Variants in TRIM14 observed in about 807,000 individuals in gnomAD.
The protein encoded by TRIM14 is tripartite motif containing 14.
Under a neutral mutation model 44.5 loss-of-function variants are expected in TRIM14, and 28 were observed. The ratio of observed to expected loss-of-function variants is 0.63; its 90% confidence interval spans 0.47 to 0.86. The LOEUF (loss-of-function observed/expected upper bound fraction) is 0.86, where lower values mean the gene tolerates loss of function less well. TRIM14 is among the 40% of genes least tolerant of loss of function. The pLI, the probability that TRIM14 is intolerant of heterozygous loss-of-function variation, is 0.00. For synonymous variants in TRIM14, 299 were observed against 269.2 expected, an observed-to-expected ratio of 1.11 and a Z score of -1.08; for missense variants, 607 against 611.1, an observed-to-expected ratio of 0.99 and a Z score of 0.07.
intron 1 of TRIM14, chr9:98,110,233 A>C (rs932501125): frequency 4.2e-6 from 2 of 479,294 alleles, no homozygotes; most frequent in African/African-American, 2.0e-5. Context: ...ACTTTACTTT[A>C]TCTAGGACAA....
At chr9:98,109,246 G>A (rs746110081) in intron 2 of TRIM14, among the ~76,000 whole-genome samples, 1 of 138,998 alleles carries the variant, frequency 7.2e-6, no homozygotes, top group Non-Finnish European at 1.5e-5. Context: ...AGGATGAAGG[G>A]GAGGAGGGAG....
chr9:98,087,947 G>C lies in TRIM14; in HGVS notation c.852C>G (p.Ala284=), dbSNP rs777800386. ...GGCCGCAGCGCACCGTCAGGCGATC[G>C]GCGGACAGGCGCAGGCGCGCGTGCA... ...DTMHARLRLS[A]DRLTVRCGLL... is the part of the protein sequence containing the mutation. The change falls in exon 6 of 6, where the codon GCC becomes GCG. Residue 284 remains alanine (A), a synonymous_variant. Transcript: ENST00000341469. 1.3e-6 allele frequency: 2 copies of C among 1,566,132 alleles called. No individual in the cohort carries two copies. Among genetic ancestry groups the C allele is most frequent in the South Asian group, 1.1e-5 (1 of 87,622 alleles).
downstream of TRIM14, among the ~76,000 whole-genome samples, chr9:98,065,042 C>CT (rs1218816108): frequency 2.6e-5 from 4 of 152,166 alleles, no homozygotes; most frequent in Non-Finnish European, 4.4e-5. Flanking sequence ...AGTTTCAAAT[C>CT]TGAGACCTGG....
chr9:98,100,308 G>C (rs1826343163), intron 2 of TRIM14, 144 bp from the exon 3 acceptor site: 1 of 674,352 alleles, frequency 1.5e-6, no homozygotes. Context: ...AAAAACCAAA[G>C]CTTTCCTAAG....
At chr9:98,104,384 T>C (rs1023851827) in intron 2 of TRIM14, among the ~76,000 whole-genome samples, 9 of 152,186 alleles carry the variant, frequency 5.9e-5, no homozygotes, top group African/African-American at 2.2e-4. Context: ...CTTTGTAAAG[T>C]AGAAAATACA....
chr9:98,088,015 G>GCGAGACAAGGGA lies in TRIM14; in HGVS notation c.794-22_794-11dup, dbSNP rs772842077. On this transcript the variant is annotated splice_polypyrimidine_tract_variant and intron_variant, in intron 5 of 5. Transcript: ENST00000341469. ...GTGGGCGTGCGCGCGTCTGCAGGGGGCGAGACAAGGGACGCACCTGGTGGG... is the reference window on the plus strand; with the variant it reads ...GTGGGCGTGCGCGCGTCTGCAGGGGGCGAGACAAGGGACGAGACAAGGGACGCACCTGGTGGG... 3 of 1,509,850 alleles carry GCGAGACAAGGGA rather than the reference G, an allele frequency of 2.0e-6. No homozygotes were observed. The highest frequency in any genetic ancestry group is 2.6e-6 in the Non-Finnish European group (3 of 1,142,894). 93.5% of individuals were successfully genotyped at this position (1,509,850 alleles called of 1,614,324 possible).
At chr9:98,070,974 G>A (rs1042152809) in intron 6 of TRIM14, among the ~76,000 whole-genome samples, 1 of 151,356 alleles carries the variant, frequency 6.6e-6, no homozygotes, top group Admixed American at 6.6e-5. Context: ...ACCACAACCA[G>A]CTAATTTCTA....
chr9:98,040,520 T>C, the TRIM14 span, among the ~76,000 whole-genome samples: 1 of 151,866 alleles, frequency 6.6e-6, no homozygotes, highest in African/African-American at 2.4e-5. Flanking sequence ...CGGCATGCGC[T>C]CTCCTGCAGC....
chr9:98,065,790 G>A (rs984705461), downstream of TRIM14, among the ~76,000 whole-genome samples: 4 of 151,972 alleles, frequency 2.6e-5, no homozygotes, highest in Non-Finnish European at 4.4e-5. Flanking sequence ...GGTCTTTCCC[G>A]TGCTATTCTC....
downstream of TRIM14, among the ~76,000 whole-genome samples, chr9:98,067,018 G>T (rs1829168545): frequency 6.6e-6 from 1 of 152,118 alleles, no homozygotes; most frequent in Admixed American, 6.5e-5. Context: ...TACAATATGT[G>T]GTCCTTCGAG....
At chr9:98,070,618 A>C (rs1421656006) in intron 6 of TRIM14, among the ~76,000 whole-genome samples, 1 of 147,826 alleles carries the variant, frequency 6.8e-6, no homozygotes, top group Non-Finnish European at 1.5e-5. Context: ...ATGAGGTTTT[A>C]CCATTTGGCC....
chr9:98,063,667 G>T, the TRIM14 span, among the ~76,000 whole-genome samples: 1 of 151,562 alleles, frequency 6.6e-6, no homozygotes, highest in Non-Finnish European at 1.5e-5. Context: ...TCAGCCTGCT[G>T]AGTAGCTGGG....
Position 98,095,704 on chromosome 9 carries a change from C to T in TRIM14, c.538-675G>A, listed in dbSNP as rs1055748507. Among the ~76,000 whole-genome samples, 9 of 152,176 alleles carry T rather than the reference C, an allele frequency of 5.9e-5. No homozygotes were observed. Among genetic ancestry groups the T allele is most frequent in the East Asian group, 1.9e-4 (1 of 5,182 alleles). On this transcript the variant is annotated intron_variant, in intron 3 of 5. Coordinates refer to ENST00000341469, the MANE Select transcript of TRIM14 (RefSeq NM_014788.4). This position sits in a 1 kb window ranked among gnomAD's most constrained non-coding sequence, Gnocchi z 4.1. ...CCTGTGCTGCAGGAGTGTGACCAGA[C>T]GCCTCCAAGCCAAAGCGTGGATTTG...
chr9:98,113,554 C>T (rs1257076908), intron 1 of TRIM14, among the ~76,000 whole-genome samples: 1 of 152,142 alleles, frequency 6.6e-6, no homozygotes, highest in African/African-American at 2.4e-5. Flanking sequence ...AGGGTTTCAC[C>T]ATGTTGCTCA....
intron 5 of TRIM14, among the ~76,000 whole-genome samples, chr9:98,091,100 T>C (rs1394596077): frequency 6.6e-6 from 1 of 152,182 alleles, no homozygotes; most frequent in African/African-American, 2.4e-5. Context: ...AAATTACTCC[T>C]AAAAAATAAT....
At chr9:98,083,660 G>A (rs1388559595), downstream of TRIM14, among the ~76,000 whole-genome samples, 2 of 152,240 alleles carry the variant, frequency 1.3e-5, no homozygotes, top group South Asian at 2.1e-4. Context: ...TAGGCACAGA[G>A]TATATGGCCA....
At chr9:98,080,034 C>T (rs1386802807), downstream of TRIM14, among the ~76,000 whole-genome samples, 6 of 152,050 alleles carry the variant, frequency 3.9e-5, 1 homozygote, top group East Asian at 7.7e-4. Flanking sequence ...GCCAATGTGG[C>T]GAAACCCTGT....
At position 98,112,797 on chromosome 9, in the gene TRIM14, CAAA is replaced by C. The variant is rs34150823; in HGVS notation, c.208-2816_208-2814del. Among the ~76,000 whole-genome samples the C allele has an allele frequency of 3.2e-3, 216 of 68,358 alleles. 2 individuals carry two copies. Among genetic ancestry groups the C allele is most frequent in the African/African-American group, 0.013 (207 of 16,554 alleles). The allele number at this position is 68,358 out of a possible 152,430, so 44.8% of individuals were successfully genotyped here. ...TGAGTGACAGAGCAAGACTCAATCT[CAAA>C]AAAAAAAAAAAAAAAAAAATCAGAA... On this transcript the variant is annotated intron_variant, in intron 1 of 5. Transcript: ENST00000341469.
chr9:98,062,110 G>A, the TRIM14 span, among the ~76,000 whole-genome samples: 2 of 152,002 alleles, frequency 1.3e-5, no homozygotes, highest in East Asian at 3.9e-4. Flanking sequence ...TAGTCTGGGA[G>A]GCTGAGGATT....
Sources: gnomAD v4.1 joint callset for allele counts (sites outside exome capture counted in the v4.1 genomes callset) on GRCh38, gnomAD v4.1.1 for gene constraint, Gnocchi (gnomAD v3.1) non-coding constraint, MANE v1.5 for transcripts, NCBI Gene and HGNC (gene_info 2026-07-23, HGNC 2026-07-21) for gene names.